SHANK1: variants seen among roughly 807,000 people sequenced by gnomAD.
SHANK1 encodes SH3 and multiple ankyrin repeat domains 1, also known as SH3 and multiple ankyrin repeat domains protein 1.
SHANK1 carries 35 observed loss-of-function variants against 165.6 expected under a neutral mutation model. The observed-to-expected ratio is 0.21, with a 90% CI of 0.16 to 0.28. SHANK1 has a LOEUF of 0.28. Among genes scored for constraint, SHANK1 ranks in the 10% least tolerant of loss-of-function variants. SHANK1 has a pLI of 1.00. For synonymous variants in SHANK1, 1,428 were observed against 1,384.8 expected (o/e 1.03, Z -0.69); for missense variants, 2,681 against 3,036.4 (o/e 0.88, Z 2.75).
rs1312949514 is a variant in SHANK1 at position 50,668,636 on chromosome 19, G to A, written c.3324C>T (p.Gly1108=). ...CCACCTTGGTCTGCTTGACCAGCGGGCCCTTGCGGCCGCGGCCCGAGCGGG... is the reference window on the plus strand; with the variant it reads ...CCACCTTGGTCTGCTTGACCAGCGGACCCTTGCGGCCGCGGCCCGAGCGGG... ...VPARSGRGRK[G]PLVKQTKVEG... The change falls in exon 23 of 24, where the codon GGC becomes GGT. Residue 1108 remains glycine, a synonymous_variant. Transcript: ENST00000293441. The A allele has an allele frequency of 1.2e-5, 16 of 1,368,576 alleles. No homozygotes were observed. Among genetic ancestry groups the A allele is most frequent in the Non-Finnish European group, 1.5e-5 (16 of 1,058,934 alleles). The allele number at this position is 1,368,576 out of a possible 1,614,324, so 84.8% of individuals were successfully genotyped here. A position where few individuals can be genotyped will look rare whatever the true frequency, so the allele number is the denominator to read the frequency against.
At chr19:50,704,924 G>A (rs1024081115) in intron 8 of SHANK1, among the ~76,000 whole-genome samples, 18 of 151,986 alleles carry the variant, frequency 1.2e-4, no homozygotes, top group African/African-American at 4.4e-4. Flanking sequence ...GGCAGGTGGT[G>A]GGTGCCTGGA....
In SHANK1 at chr19:50,707,564, C is replaced by CT. The variant is rs11291754; in HGVS notation, c.1078-3051dup. The stretch of plus-strand genomic sequence containing the variant: ...TTCCAACAACCTGGCCTTCTTCTTC[C>CT]TTTTTTTTTTTTTTTGAGACAGAGT... On this transcript the variant is annotated intron_variant, in intron 8 of 23. Coordinates refer to ENST00000293441, the MANE Select transcript of SHANK1 (RefSeq NM_016148.5). Among the ~76,000 whole-genome samples the CT allele has an allele frequency of 3.0e-3, 421 of 142,272 alleles. 1 individual carries two copies. Among genetic ancestry groups the CT allele is most frequent in the African/African-American group, 8.4e-3 (321 of 38,412 alleles). The allele number at this position is 142,272 out of a possible 152,430, so 93.3% of individuals were successfully genotyped here.
At position 50,673,186 on chromosome 19, in the gene SHANK1, C is replaced by T. The variant is rs1205274485; in HGVS notation, c.2578-1072G>A. On this transcript the variant is annotated intron_variant, in intron 21 of 23. Transcript: ENST00000293441. ...CATGGGTTCCCACTCCAGCGTGAAC[C>T]GTGTCTGCTTGACTTCCTTCCACAA... 2.6e-5 allele frequency among the ~76,000 whole-genome samples: 4 copies of T among 152,078 alleles called. No homozygotes were observed. The East Asian group carries it at 5.8e-4, about 22-fold the overall frequency.
At chr19:50,687,702 A>ATCTCCCCCAT in intron 18 of SHANK1, 40 bp from the exon 19 acceptor site, 1 of 1,415,972 alleles carries the variant, frequency 7.1e-7, no homozygotes, top group Non-Finnish European at 9.4e-7. Flanking sequence ...ATCATGGGGG[A>ATCTCCCCCAT]GATGCCCCCA....
At chr19:50,683,587 T>C (rs28430346) in intron 21 of SHANK1, among the ~76,000 whole-genome samples, 3,695 of 152,214 alleles carry the variant, frequency 0.024, 174 homozygotes, top group African/African-American at 0.084. Flanking sequence ...AGCACCATGC[T>C]TGGGGGACCT....
At chr19:50,665,435 C>T (rs189763670) in intron 23 of SHANK1, among the ~76,000 whole-genome samples, 300 of 151,706 alleles carry the variant, frequency 2.0e-3, no homozygotes, top group African/African-American at 6.3e-3. Context: ...GGCATGGTGG[C>T]GGGCACCTGT....
Position 50,666,353 on chromosome 19 carries a change from G to A in SHANK1, c.5607C>T (p.Ser1869=). The change falls in exon 23 of 24, where the codon AGC becomes AGT. Residue 1869 remains serine, a synonymous_variant. Coordinates refer to ENST00000293441, the MANE Select transcript of SHANK1 (RefSeq NM_016148.5). ...GCTTGGAGCTGAGTTCACTGATGATGCTGGCTTTTACTGTGGCCAAGGCTG... is the reference window on the plus strand; with the variant it reads ...GCTTGGAGCTGAGTTCACTGATGATACTGGCTTTTACTGTGGCCAAGGCTG... The part of the protein sequence containing the change: ...QASALATVKA[S]IISELSSKLQ... 1 of 1,613,842 alleles carries A rather than the reference G, an allele frequency of 6.2e-7. No homozygotes were observed.
intron 16 of SHANK1, 69 bp from the exon 17 acceptor site, chr19:50,689,037 C>G: frequency 1.6e-6 from 2 of 1,254,790 alleles, no homozygotes; most frequent in Non-Finnish European, 2.3e-6. Context: ...GGATGGGGCT[C>G]AGACCCAAGT....
At position 50,666,794 on chromosome 19, in the gene SHANK1, C is replaced by A; in HGVS notation, c.5166G>T (p.Pro1722=). Residue 1722 remains proline (P), a synonymous_variant, in exon 23 of 24, where the codon CCG becomes CCT. Transcript: ENST00000293441. The part of the protein sequence containing the change: ...GGAGAGVASG[P]ELLDTYVAYL... ...AGGCCACATAGGTGTCCAGAAGCTC[C>A]GGCCCACTGGCCACACCGGCCCCAG... 1.3e-6 allele frequency: 2 copies of A among 1,550,542 alleles called. No individual in the cohort carries two copies. Among genetic ancestry groups the A allele is most frequent in the Non-Finnish European group, 1.7e-6 (2 of 1,148,054 alleles).
chr19:50,710,220 C>CATGTTGGTT (rs1213830599), intron 8 of SHANK1, among the ~76,000 whole-genome samples: 1 of 152,190 alleles, frequency 6.6e-6, no homozygotes, highest in East Asian at 1.9e-4. Flanking sequence ...GTGCCGGCAC[C>CATGTTGGTT]ATGTTGGTTC....
At chr19:50,691,639 C>T (rs1986542234) in intron 15 of SHANK1, among the ~76,000 whole-genome samples, 1 of 152,160 alleles carries the variant, frequency 6.6e-6, no homozygotes, top group Admixed American at 6.5e-5. Context: ...TAACCAGCCT[C>T]TGGGGCAGGG....
chr19:50,678,444 C>T (rs1986049926), intron 21 of SHANK1, among the ~76,000 whole-genome samples: 1 of 150,776 alleles, frequency 6.6e-6, no homozygotes, highest in Non-Finnish European at 1.5e-5. Context: ...GAGGGAGAGG[C>T]GAGGGTCAGG....
intron 4 of SHANK1, 96 bp from the exon 5 acceptor site, chr19:50,714,386 G>C: frequency 1.0e-6 from 1 of 998,874 alleles, no homozygotes; most frequent in Admixed American, 2.1e-5. Flanking sequence ...AATATACGTG[G>C]AGTCACATAC....
At chr19:50,694,339 G>C (rs1986652817) in intron 15 of SHANK1, among the ~76,000 whole-genome samples, 1 of 151,294 alleles carries the variant, frequency 6.6e-6, no homozygotes. Context: ...GTGTGATGGA[G>C]GGGGGATGAC....
At position 50,690,619 on chromosome 19, in the gene SHANK1, T is replaced by C. The variant is rs952682146; in HGVS notation, c.1965-1340A>G. 5.9e-5 allele frequency among the ~76,000 whole-genome samples: 9 copies of C among 152,052 alleles called. No homozygotes were observed. The highest frequency in any genetic ancestry group is 1.7e-4 in the African/African-American group (7 of 41,388). ...AATACCCAGATCCCAGTAACATCCA[T>C]GTGGCCCTAATACACTCCAATCATA... On this transcript the variant is annotated intron_variant, in intron 15 of 23. Coordinates refer to ENST00000293441, the MANE Select transcript of SHANK1 (RefSeq NM_016148.5). The surrounding 1 kb of genome is among the most constrained non-coding windows in gnomAD (Gnocchi z 4.9).
Position 50,697,057 on chromosome 19 carries a change from C to T in SHANK1, c.1964+39G>A, listed in dbSNP as rs553772847. The T allele has an allele frequency of 1.9e-6, 3 of 1,575,568 alleles. No individual in the cohort carries two copies. Among genetic ancestry groups the T allele is most frequent in the East Asian group, 4.5e-5 (2 of 44,684 alleles). ...CGCCCCCCAGGCACCCCGTCCTTCC[C>T]CTCCTGACCCCATCCCCTCCCTGCC... On this transcript the variant is annotated intron_variant, in intron 15 of 23. Coordinates refer to ENST00000293441, the MANE Select transcript of SHANK1 (RefSeq NM_016148.5). The surrounding 1 kb of genome is among the most constrained non-coding windows in gnomAD (Gnocchi z 4.7).
intron 5 of SHANK1, 54 bp from the exon 6 acceptor site, chr19:50,714,003 C>T: frequency 6.2e-7 from 1 of 1,601,164 alleles, no homozygotes; most frequent in Non-Finnish European, 8.5e-7. Flanking sequence ...CCCTCCATCC[C>T]TTCCCATTTT....
Position 50,702,378 on chromosome 19 carries a change from G to C in SHANK1, c.1747+89C>G, listed in dbSNP as rs1986945208. 6.8e-6 allele frequency: 8 copies of C among 1,181,276 alleles called. No homozygotes were observed. The South Asian group carries it at 1.2e-4, about 18-fold the overall frequency. 73.2% of individuals were successfully genotyped at this position (1,181,276 alleles called of 1,614,324 possible). On this transcript the variant is annotated intron_variant, in intron 12 of 23. Transcript: ENST00000293441. The surrounding 1 kb of genome is among the most constrained non-coding windows in gnomAD (Gnocchi z 5.3). Reference sequence around the variant, plus strand: ...CCAGAGTGCATGAGATACTCCAGGTGCCCGAGAATGGTCTGCTCTCTGCTC... The same window carrying C: ...CCAGAGTGCATGAGATACTCCAGGTCCCCGAGAATGGTCTGCTCTCTGCTC...
At chr19:50,681,946 GT>G (rs200420758) in intron 21 of SHANK1, among the ~76,000 whole-genome samples, 1,714 of 152,288 alleles carry the variant, frequency 0.011, 36 homozygotes, top group African/African-American at 0.039. Context: ...GTCTCACTAT[GT>G]TGCCCAGGCT....
Sources: allele counts gnomAD v4.1 joint callset (sites outside exome capture counted in the v4.1 genomes callset), GRCh38; gene constraint gnomAD v4.1.1; non-coding constraint Gnocchi (gnomAD v3.1); transcripts MANE v1.5; gene names NCBI Gene and HGNC (gene_info 2026-07-23, HGNC 2026-07-21).